CRISP1: variants seen among roughly 807,000 people sequenced by gnomAD.
CRISP1 encodes cysteine-rich secretory protein 1.
A neutral mutation model predicts 33.1 loss-of-function variants in CRISP1; 44 were observed. That is an observed-to-expected ratio of 1.33 (90% CI 1.05 to 1.71). The LOEUF (loss-of-function observed/expected upper bound fraction) is 1.71, where lower values mean the gene tolerates loss of function less well. Ranked by LOEUF, CRISP1 falls within the 40% of genes most tolerant of loss-of-function variation. CRISP1 has a pLI of 0.00. For missense variants in CRISP1, 390 were observed against 301.2 expected (o/e 1.29, Z -2.18); for synonymous variants, 103 against 98.7 (o/e 1.04, Z -0.26).
intron 7 of CRISP1, among the ~76,000 whole-genome samples, chr6:49,836,161 C>A (rs1034243692): frequency 1.3e-5 from 2 of 152,062 alleles, no homozygotes; most frequent in Admixed American, 6.6e-5. Flanking sequence ...GCAAAAATAA[C>A]AATAATTTAA....
intron 2 of CRISP1, among the ~76,000 whole-genome samples, chr6:49,856,557 A>G (rs866360098): frequency 6.6e-6 from 1 of 152,128 alleles, no homozygotes; most frequent in African/African-American, 2.4e-5. Context: ...CAACACCCTA[A>G]TAGCCTAATG....
upstream of CRISP1, among the ~76,000 whole-genome samples, chr6:49,869,024 T>C (rs986486866): frequency 1.3e-5 from 2 of 152,184 alleles, no homozygotes; most frequent in Non-Finnish European, 2.9e-5. Context: ...TATCCTTCTA[T>C]TCAACTTTGT....
rs138062744 is a variant in CRISP1, at chr6:49,840,929, G to A, written c.502C>T (p.Arg168Ter). The change falls in exon 6 of 8, where the codon CGA (arginine) becomes TGA (stop). Residue 168 changes from arginine to a stop codon, truncating the protein, a stop_gained. Coordinates refer to ENST00000335847, the MANE Select transcript of CRISP1 (RefSeq NM_001131.3). LOFTEE classifies it high-confidence loss of function. ...CAATAGTGACAAACGTAGAGATATC[G>A]AGGTGATCCTTGTTGGCGGCAAGAT... ...IASCRQQGSP[R>*]YLYVCHYCHE... 8.0e-4 allele frequency: 1,286 copies of A among 1,613,734 alleles called. 7 individuals are homozygous for A. Among genetic ancestry groups the A allele is most frequent in the South Asian group, 5.9e-4 (54 of 91,056 alleles).
intron 7 of CRISP1, among the ~76,000 whole-genome samples, chr6:49,837,435 T>C (rs954396610): frequency 5.3e-5 from 8 of 150,416 alleles, no homozygotes; most frequent in Non-Finnish European, 1.0e-4. Context: ...CATAGGTAAC[T>C]GGTTGATTTT....
rs567043526 is a variant in CRISP1, at chr6:49,847,356, C to T, written c.287-688G>A. 1.1e-4 allele frequency among the ~76,000 whole-genome samples: 17 copies of T among 152,234 alleles called. No homozygotes were observed. In the East Asian group the frequency reaches 1.7e-3, roughly 16 times the overall value. On this transcript the variant is annotated intron_variant, in intron 4 of 7. Transcript: ENST00000335847. The stretch of plus-strand genomic sequence containing the variant: ...GTTGAAGGTGGGGCCTGACCGGAGA[C>T]GTTTACCTCACGGTAGTGGATTCCT...
intron 1 of CRISP1, among the ~76,000 whole-genome samples, chr6:49,861,399 C>G (rs185962818): frequency 6.6e-6 from 1 of 152,224 alleles, no homozygotes; most frequent in Admixed American, 6.5e-5. Flanking sequence ...GCACCATGAT[C>G]ATTATAGCAG....
chr6:49,867,963 T>C (rs1158798721), upstream of CRISP1, among the ~76,000 whole-genome samples: 5 of 152,162 alleles, frequency 3.3e-5, no homozygotes, highest in South Asian at 6.2e-4. Context: ...AAATGTATAA[T>C]TGTCATTTAT....
chr6:49,839,741 G>A (rs1770922625), intron 6 of CRISP1, among the ~76,000 whole-genome samples: 1 of 152,130 alleles, frequency 6.6e-6, no homozygotes, highest in Non-Finnish European at 1.5e-5. Context: ...ATCAGTTGAA[G>A]TTCACTGCAG....
upstream of CRISP1, among the ~76,000 whole-genome samples, chr6:49,869,251 G>A (rs1771869129): frequency 6.6e-6 from 1 of 152,044 alleles, no homozygotes; most frequent in South Asian, 2.1e-4. Flanking sequence ...TTACTTATAT[G>A]ACTTGCAAGT....
chr6:49,846,447 TGTTTCTTAGTTAC>T (rs1370541068), intron 5 of CRISP1, 60 bp downstream of exon 5: 1 of 1,444,432 alleles, frequency 6.9e-7, no homozygotes, highest in African/African-American at 1.4e-5. Flanking sequence ...GATTTTCAGT[TGTTTCTTAGTTAC>T]GTTTCCACAC....
At chr6:49,871,129 C>CA (rs55712975), upstream of CRISP1, among the ~76,000 whole-genome samples, 122,662 of 146,590 alleles carry the variant, frequency 0.84, 51,570 homozygotes, top group East Asian at 0.99. Flanking sequence ...ACAAAACAAA[C>CA]AAAAAAAAAA....
At chr6:49,849,709 T>C (rs554007404) in intron 3 of CRISP1, among the ~76,000 whole-genome samples, 16 of 152,298 alleles carry the variant, frequency 1.1e-4, no homozygotes, top group South Asian at 4.1e-4. Flanking sequence ...TCATTTTCAG[T>C]GTCGTCCTGA....
chr6:49,860,363 G>A (rs1329734630), intron 1 of CRISP1, among the ~76,000 whole-genome samples: 1 of 152,200 alleles, frequency 6.6e-6, no homozygotes, highest in East Asian at 1.9e-4. Flanking sequence ...TGGACCATAT[G>A]TTACAAAACA....
At chr6:49,843,108 T>C (rs1325479426) in intron 5 of CRISP1, among the ~76,000 whole-genome samples, 1 of 152,180 alleles carries the variant, frequency 6.6e-6, no homozygotes, top group Admixed American at 6.5e-5. Flanking sequence ...AAAATTAGTG[T>C]GTTAGTTGAC....
At chr6:49,874,480 G>C (rs1771990503) in intron 1 of CRISP1, among the ~76,000 whole-genome samples, 1 of 151,894 alleles carries the variant, frequency 6.6e-6, no homozygotes, top group Non-Finnish European at 1.5e-5. Context: ...TTCCTCCTGG[G>C]GTAGGGAAAA....
At chr6:49,876,855 G>A (rs1005409026) in intron 1 of CRISP1, among the ~76,000 whole-genome samples, 1 of 151,820 alleles carries the variant, frequency 6.6e-6, no homozygotes, top group Non-Finnish European at 1.5e-5. Flanking sequence ...GGACACATGA[G>A]GGGGAACAAC....
intron 1 of CRISP1, among the ~76,000 whole-genome samples, chr6:49,864,750 G>C (rs1392084118): frequency 6.6e-6 from 1 of 151,942 alleles, no homozygotes; most frequent in Non-Finnish European, 1.5e-5. Flanking sequence ...GTTGTAATTA[G>C]GTTGGCTCTT....
rs772696850 is a variant in CRISP1 at position 49,841,002 on chromosome 6, T to C, written c.436-7A>G. The C allele has an allele frequency of 3.7e-5, 59 of 1,607,928 alleles. No individual in the cohort carries two copies. The highest frequency in any genetic ancestry group is 5.0e-5 in the Non-Finnish European group (59 of 1,174,910). On this transcript the variant is annotated splice_region_variant and splice_polypyrimidine_tract_variant and intron_variant, in intron 5 of 7. Coordinates refer to ENST00000335847, the MANE Select transcript of CRISP1 (RefSeq NM_001131.3). ...AAGATGTGGCCCAAACAATCTGCAA[T>C]GATAAAGAGTTGTTTTATTACAGAT...
At chr6:49,854,379 CT>C (rs986687247) in intron 2 of CRISP1, among the ~76,000 whole-genome samples, 1 of 152,036 alleles carries the variant, frequency 6.6e-6, no homozygotes. Context: ...GCTTATATCT[CT>C]TTTTTTGAGA....
Sources: gnomAD v4.1 joint callset for allele counts (sites outside exome capture counted in the v4.1 genomes callset) on GRCh38, gnomAD v4.1.1 for gene constraint, MANE v1.5 for transcripts, NCBI Gene and HGNC (gene_info 2026-07-23, HGNC 2026-07-21) for gene names.